DDC: variants seen among roughly 807,000 people sequenced by gnomAD.
DDC encodes the protein aromatic-L-amino-acid decarboxylase.
A neutral mutation model predicts 60.0 loss-of-function variants in DDC; 43 were observed. The observed-to-expected ratio is 0.72, with a 90% CI of 0.56 to 0.92. The LOEUF is 0.92. Ranked by LOEUF, DDC falls within the 40% of genes least tolerant of loss-of-function variation. DDC has a pLI of 0.00. For missense variants in DDC, 573 were observed against 620.2 expected (o/e 0.92, Z 0.81); for synonymous variants, 232 against 234.6 (o/e 0.99, Z 0.10).
chr7:50,482,528 T>C (rs1489397502), intron 9 of DDC, among the ~76,000 whole-genome samples: 1 of 152,200 alleles, frequency 6.6e-6, no homozygotes, highest in Non-Finnish European at 1.5e-5. Context: ...CGTGGTTACT[T>C]TACACACACA....
intron 10 of DDC, chr7:50,477,559 T>A (rs1218978689): frequency 3.7e-5 from 17 of 457,570 alleles, no homozygotes; most frequent in Non-Finnish European, 7.0e-5. Flanking sequence ...CTGCACTTCA[T>A]CCACTGCACA....
At chr7:50,489,028 A>G (rs1425019701) in intron 9 of DDC, among the ~76,000 whole-genome samples, 2 of 150,884 alleles carry the variant, frequency 1.3e-5, no homozygotes, top group Non-Finnish European at 3.0e-5. Context: ...TGTTTTTGAG[A>G]TGGAGTCTTG....
intron 3 of DDC, among the ~76,000 whole-genome samples, chr7:50,539,406 G>T (rs1017035246): frequency 2.0e-5 from 3 of 152,116 alleles, no homozygotes; most frequent in African/African-American, 7.2e-5. Flanking sequence ...CTCCAGATAG[G>T]GTGGGACTGG....
At position 50,459,351 on chromosome 7, in the gene DDC, G is replaced by A. The variant is rs1314395093; in HGVS notation, c.*19-508C>T. 3.3e-5 allele frequency among the ~76,000 whole-genome samples: 5 copies of A among 152,358 alleles called. No individual in the cohort carries two copies. The South Asian group carries it at 6.2e-4, about 19-fold the overall frequency. On this transcript the variant is annotated intron_variant, in intron 14 of 14. Transcript: ENST00000444124. ...GCCTGCCTTGGCCTCCCAAAGTGCC[G>A]AGATTACAGCCTCTGCCCGGCCGCC... is the stretch of plus-strand genomic sequence containing the variant.
At chr7:50,535,559 G>A (rs1370750196) in intron 4 of DDC, among the ~76,000 whole-genome samples, 1 of 152,212 alleles carries the variant, frequency 6.6e-6, no homozygotes, top group East Asian at 1.9e-4. Flanking sequence ...CTGGCCACAG[G>A]GCCTGTGGGT....
chr7:50,492,685 T>TAAACTCTGTCCTCTCTCCC (rs113905941), intron 9 of DDC: 16 of 1,217,590 alleles, frequency 1.3e-5, no homozygotes, highest in African/African-American at 5.5e-5. Flanking sequence ...TACAAGGAAA[T>TAAACTCTGTCCTCTCTCCC]TTTCCAAATG....
intron 6 of DDC, among the ~76,000 whole-genome samples, chr7:50,518,546 G>C (rs1322013694): frequency 6.6e-6 from 1 of 152,160 alleles, no homozygotes; most frequent in Non-Finnish European, 1.5e-5. Context: ...TAGGCACATA[G>C]ACCAATGGAA....
chr7:50,483,014 TA>T (rs201588856), intron 9 of DDC, among the ~76,000 whole-genome samples: 12 of 150,682 alleles, frequency 8.0e-5, no homozygotes, highest in Admixed American at 2.7e-4. Context: ...TTTTTTTTTT[TA>T]AATTATTATG....
intron 6 of DDC, among the ~76,000 whole-genome samples, chr7:50,525,007 A>T (rs1346862011): frequency 6.6e-6 from 1 of 152,248 alleles, no homozygotes; most frequent in Non-Finnish European, 1.5e-5. Context: ...AGCAACGAAA[A>T]GGAACATACT....
At chr7:50,503,873 A>C in intron 7 of DDC, 120 bp downstream of exon 7, 2 of 804,192 alleles carry the variant, frequency 2.5e-6, no homozygotes, top group Non-Finnish European at 4.4e-6. Flanking sequence ...ATACGAGAAG[A>C]GCTGGGCAAA....
chr7:50,472,628 A>T (rs774953581), intron 11 of DDC, among the ~76,000 whole-genome samples: 2 of 152,136 alleles, frequency 1.3e-5, no homozygotes, highest in Non-Finnish European at 2.9e-5. Flanking sequence ...CCTATGAAAC[A>T]GGCATAATGA....
chr7:50,492,677 C>A lies in DDC; in HGVS notation c.944+2673G>T, dbSNP rs1328677136. The A allele has an allele frequency of 2.9e-6, 3 of 1,038,478 alleles. No individual in the cohort carries two copies. The African/African-American group carries it at 9.5e-5, about 33-fold the overall frequency. The allele number at this position is 1,038,478 out of a possible 1,614,324, so 64.3% of individuals were successfully genotyped here. A position where few individuals can be genotyped will look rare whatever the true frequency, so the allele number is the denominator to read the frequency against. ...TAGGGCTTACGTTTAATTCCTTCTA[C>A]AAGGAAATTTTCCAAATGGCCTTTT... On this transcript the variant is annotated intron_variant, in intron 9 of 14. Transcript: ENST00000444124.
At chr7:50,460,510 G>C (rs1449408484) in intron 14 of DDC, among the ~76,000 whole-genome samples, 1 of 151,552 alleles carries the variant, frequency 6.6e-6, no homozygotes, top group Non-Finnish European at 1.5e-5. Flanking sequence ...TGGGAAGTGA[G>C]GAGCCCCTCT....
intron 12 of DDC, among the ~76,000 whole-genome samples, chr7:50,469,309 G>T (rs1403765507): frequency 6.6e-6 from 1 of 150,626 alleles, no homozygotes; most frequent in Non-Finnish European, 1.5e-5. Context: ...CTGATAAGTG[G>T]TTCTCAAATT....
intron 14 of DDC, among the ~76,000 whole-genome samples, chr7:50,461,388 T>C (rs2042269864): frequency 6.6e-6 from 1 of 151,946 alleles, no homozygotes; most frequent in African/African-American, 2.4e-5. Context: ...TTTATTGTTC[T>C]AATCTGTCCA....
chr7:50,528,549 A>T lies in DDC; in HGVS notation c.571-269T>A, dbSNP rs969081341. On this transcript the variant is annotated intron_variant, in intron 5 of 14. Coordinates refer to ENST00000444124, the MANE Select transcript of DDC (RefSeq NM_001082971.2). ...TAAAGTGCTGGGTCAATATTTATGAAGTTTTTCATTTGTTTGAACTCAAGG... is the reference window on the plus strand; with the variant it reads ...TAAAGTGCTGGGTCAATATTTATGATGTTTTTCATTTGTTTGAACTCAAGG... Among the ~76,000 whole-genome samples, 4 of 152,096 alleles carry T rather than the reference A, an allele frequency of 2.6e-5. No individual in the cohort carries two copies. The East Asian group carries it at 5.8e-4, about 22-fold the overall frequency.
At chr7:50,464,213 C>T (rs576115579) in intron 13 of DDC, among the ~76,000 whole-genome samples, 39 of 152,186 alleles carry the variant, frequency 2.6e-4, no homozygotes, top group African/African-American at 7.0e-4. Flanking sequence ...GACTGCACTT[C>T]GTGGCCCTGT....
chr7:50,486,546 C>T (rs2042883445), intron 9 of DDC, among the ~76,000 whole-genome samples: 1 of 152,156 alleles, frequency 6.6e-6, no homozygotes. Flanking sequence ...AGATATGAGG[C>T]TTATGGCTTT....
At chr7:50,481,928 T>C (rs1421426568) in intron 9 of DDC, among the ~76,000 whole-genome samples, 1 of 152,244 alleles carries the variant, frequency 6.6e-6, no homozygotes, top group East Asian at 1.9e-4. Flanking sequence ...GCTCACTCAT[T>C]TGTATGACCT....
Sources: allele counts gnomAD v4.1 joint callset (sites outside exome capture counted in the v4.1 genomes callset), GRCh38; gene constraint gnomAD v4.1.1; transcripts MANE v1.5; gene names NCBI Gene and HGNC (gene_info 2026-07-23, HGNC 2026-07-21).